Variants in ST13 observed in about 807,000 individuals in gnomAD.
ST13 encodes ST13 Hsp70 interacting protein.
In ST13, 23 loss-of-function variants were observed where a neutral mutation model predicts 56.7. The ratio of observed to expected loss-of-function variants is 0.41; its 90% CI spans 0.29 to 0.57. The LOEUF is 0.57. ST13 is among the 20% of genes least tolerant of loss of function. The pLI is 0.36. For synonymous variants in ST13, 132 were observed against 142.4 expected (o/e 0.93, Z 0.52); for missense variants, 369 against 459.9 (o/e 0.80, Z 1.81).
intron 10 of ST13, 149 bp from the exon 11 acceptor site, chr22:40,827,378 A>G: frequency 1.4e-6 from 1 of 716,400 alleles, no homozygotes; most frequent in South Asian, 1.9e-5. Flanking sequence ...GACTGCAACA[A>G]GACATAAGTT....
intron 4 of ST13, 65 bp downstream of exon 4, chr22:40,844,774 T>C: frequency 7.5e-7 from 1 of 1,340,024 alleles, no homozygotes; most frequent in Admixed American, 1.9e-5. Flanking sequence ...TGTCATAAAA[T>C]CATTGCAACA....
intron 3 of ST13, 94 bp from the exon 4 acceptor site, chr22:40,845,003 C>T: frequency 1.3e-6 from 1 of 788,518 alleles, no homozygotes; most frequent in Non-Finnish European, 2.0e-6. Flanking sequence ...ATGACTACTA[C>T]AATTAATTAT....
At chr22:40,847,786 C>T (rs1346767865) in intron 3 of ST13, among the ~76,000 whole-genome samples, 6 of 151,962 alleles carry the variant, frequency 3.9e-5, no homozygotes, top group Admixed American at 1.3e-4. Context: ...CAGTGGCTCA[C>T]GCCTGTAATC....
At chr22:40,843,885 T>A (rs915303295) in intron 4 of ST13, among the ~76,000 whole-genome samples, 6 of 34,228 alleles carry the variant, frequency 1.8e-4, no homozygotes, top group African/African-American at 1.2e-3. Context: ...GGAAAATGCA[T>A]TTTTTTTTTT....
rs1327508211 is a variant in ST13, at chr22:40,825,600, A to C, written c.*938T>G. 1 of 152,144 alleles carries C rather than the reference A, an allele frequency of 6.6e-6. No individual in the cohort carries two copies. Among genetic ancestry groups the C allele is most frequent in the African/African-American group, 2.4e-5 (1 of 41,430 alleles). 9.4% of individuals were successfully genotyped at this position (152,144 alleles called of 1,614,324 possible). A position where few individuals can be genotyped will look rare whatever the true frequency, so the allele number is the denominator to read the frequency against. ...TATTAAATTAAACTCAGCATTAAAT[A>C]TGCTTGTATAATTACGCTGTTAATG... On this transcript the variant is annotated 3_prime_UTR_variant, in exon 12 of 12. Transcript: ENST00000216218.
At chr22:40,852,111 A>C (rs1445677099) in intron 1 of ST13, among the ~76,000 whole-genome samples, 1 of 152,222 alleles carries the variant, frequency 6.6e-6, no homozygotes, top group Non-Finnish European at 1.5e-5. Context: ...ATTTGTGGTC[A>C]TAAGGGTATG....
At chr22:40,856,401 C>T in intron 1 of ST13, 30 bp downstream of exon 1, 1 of 1,574,600 alleles carries the variant, frequency 6.4e-7, no homozygotes, top group Non-Finnish European at 8.7e-7. Flanking sequence ...GCTTCCCCCG[C>T]CCCCAACGGT....
chr22:40,843,224 T>A (rs2057813200), intron 4 of ST13, among the ~76,000 whole-genome samples: 1 of 152,198 alleles, frequency 6.6e-6, no homozygotes, highest in South Asian at 2.1e-4. Flanking sequence ...GGATAGTTTA[T>A]CTCAATGGTG....
chr22:40,856,627 C>A lies in ST13; in HGVS notation c.-87G>T, dbSNP rs1297324459. The A allele has an allele frequency of 3.8e-6, 4 of 1,060,268 alleles. No homozygotes were observed. The Admixed American group carries it at 5.5e-5, about 15-fold the overall frequency. 65.7% of individuals were successfully genotyped at this position (1,060,268 alleles called of 1,614,324 possible). ...CTCGGCGTGACCGCGCAGAAGGGGG[C>A]GGCTGCCGCAAGACAGAACAGACTA... On this transcript the variant is annotated 5_prime_UTR_variant, in exon 1 of 12. Coordinates refer to ENST00000216218, the MANE Select transcript of ST13 (RefSeq NM_003932.5).
At chr22:40,838,849 G>A (rs150571731) in intron 5 of ST13, among the ~76,000 whole-genome samples, 3 of 151,302 alleles carry the variant, frequency 2.0e-5, no homozygotes, top group African/African-American at 7.3e-5. Context: ...ACAACTGATA[G>A]GTATGAATTA....
At position 40,839,107 on chromosome 22, in the gene ST13, A is replaced by G. The variant is rs551112224; in HGVS notation, c.382+1519T>C. Among the ~76,000 whole-genome samples, 8 of 152,296 alleles carry G rather than the reference A, an allele frequency of 5.3e-5. No homozygotes were observed. The East Asian group carries it at 1.5e-3, about 29-fold the overall frequency. On this transcript the variant is annotated intron_variant, in intron 5 of 11. Coordinates refer to ENST00000216218, the MANE Select transcript of ST13 (RefSeq NM_003932.5). ...TCTAAGAATAACCTAGGGAAAGTAA[A>G]CAGAAAGCAATAAAGGAATAAATTT...
chr22:40,856,487 C>G lies in ST13; in HGVS notation c.54G>C (p.Gln18His), dbSNP rs376745150. The stretch of plus-strand genomic sequence containing the variant: ...CCTCGGTGTGCAGAACGCTCGGATC[C>G]TGCTTACACATTTTCACAAAGGCCC... ...ELRAFVKMCK[Q>H]DPSVLHTEEM... Residue 18 changes from glutamine (Q) to histidine (H), a missense_variant, in exon 1 of 12, where the codon CAG becomes CAC. Around this residue, in one of 3 missense-constraint regions of ST13, gnomAD observed 169 missense variants for 175.6 expected, o/e 0.96. Coordinates refer to ENST00000216218, the MANE Select transcript of ST13 (RefSeq NM_003932.5). The G allele has an allele frequency of 2.9e-5, 46 of 1,613,456 alleles. No individual in the cohort carries two copies. The highest frequency in any genetic ancestry group is 4.5e-5 in the East Asian group (2 of 44,884).
chr22:40,832,250 T>C, intron 8 of ST13: 1 of 478,244 alleles, frequency 2.1e-6, no homozygotes, highest in Non-Finnish European at 4.3e-6. Flanking sequence ...GATTCAATCC[T>C]GGGTAATGCT....
chr22:40,835,609 T>C lies in ST13; in HGVS notation c.529A>G (p.Ile177Val), dbSNP rs1266968126. The C allele has an allele frequency of 1.2e-6, 2 of 1,613,354 alleles. No homozygotes were observed. Among genetic ancestry groups the C allele is most frequent in the African/African-American group, 1.3e-5 (1 of 74,922 alleles). The change falls in exon 7 of 12, where the codon ATA (isoleucine) becomes GTA (valine). Residue 177 changes from isoleucine (I) to valine (V), a missense_variant. Coordinates refer to ENST00000216218, the MANE Select transcript of ST13 (RefSeq NM_003932.5). The part of the protein sequence containing the change: ...AIRDCDRAIE[I>V]NPDSAQPYKW... ...TAAGGCTGAGCTGAATCAGGATTTA[T>C]TTCAATGGCTCTGTCACAGTCTCGG...
chr22:40,837,596 A>C (rs1394026290), intron 5 of ST13, among the ~76,000 whole-genome samples: 1 of 152,224 alleles, frequency 6.6e-6, no homozygotes, highest in Non-Finnish European at 1.5e-5. Context: ...CGGTGAGCCA[A>C]GATCGTGCCA....
At chr22:40,845,732 C>T (rs866651828) in intron 3 of ST13, among the ~76,000 whole-genome samples, 1 of 142,210 alleles carries the variant, frequency 7.0e-6, no homozygotes, top group South Asian at 2.1e-4. Flanking sequence ...TATATATATA[C>T]ACACACACAC....
intron 1 of ST13, among the ~76,000 whole-genome samples, chr22:40,855,956 TAC>T (rs778520758): frequency 6.6e-6 from 1 of 152,120 alleles, no homozygotes; most frequent in African/African-American, 2.4e-5. Flanking sequence ...CAATCATTTT[TAC>T]AGTTATCATT....
At chr22:40,840,599 T>C (rs375170273) in intron 5 of ST13, 27 bp downstream of exon 5, 149 of 1,598,394 alleles carry the variant, frequency 9.3e-5, no homozygotes, top group East Asian at 3.6e-4. Context: ...CTGACTACCA[T>C]AGAAATGTAG....
rs2057769969 is a variant in ST13, at chr22:40,834,821, A to G, written c.578+739T>C. Among the ~76,000 whole-genome samples, 4 of 152,374 alleles carry G rather than the reference A, an allele frequency of 2.6e-5. No homozygotes were observed. The South Asian group carries it at 6.2e-4, about 24-fold the overall frequency. ...TTTCCTGTGCTGACACAGCATTAAT[A>G]AATTTTATTTCAACTTTTAATGTTT... On this transcript the variant is annotated intron_variant, in intron 7 of 11. Coordinates refer to ENST00000216218, the MANE Select transcript of ST13 (RefSeq NM_003932.5).
Sources: allele counts gnomAD v4.1 joint callset (sites outside exome capture counted in the v4.1 genomes callset), GRCh38; gene constraint gnomAD v4.1.1; regional missense constraint gnomAD v4.1.1; transcripts MANE v1.5; gene names NCBI Gene and HGNC (gene_info 2026-07-23, HGNC 2026-07-21).